The following SNAP29 variants were observed in gnomAD, a reference collection of about 807,000 sequenced individuals.
SNAP29 encodes the protein synaptosomal-associated protein 29.
In SNAP29, 13 loss-of-function variants were observed where a neutral mutation model predicts 27.9. The observed-to-expected ratio is 0.47, with a 90% CI of 0.30 to 0.74. The LOEUF is 0.74. Among genes scored for constraint, SNAP29 ranks in the 30% least tolerant of loss-of-function variants. The pLI is 0.06. For synonymous variants in SNAP29, 119 were observed against 127.1 expected (o/e 0.94, Z 0.43); for missense variants, 368 against 336.5 (o/e 1.09, Z -0.73).
At chr22:20,874,751 A>G (rs1263404999) in intron 2 of SNAP29, among the ~76,000 whole-genome samples, 3 of 151,868 alleles carry the variant, frequency 2.0e-5, no homozygotes, top group South Asian at 4.2e-4. Context: ...AATTTTAAAC[A>G]TCCGCCATTT....
Position 20,871,482 on chromosome 22 carries a change from T to TAA in SNAP29, c.434+971_434+972dup, listed in dbSNP as rs58294079. ...ATCAGTGACAGAGTCTCCCTGTCTCTAAAAAAAAAAAAAAAAAAAAAAAGA... is the reference window on the plus strand; with the variant it reads ...ATCAGTGACAGAGTCTCCCTGTCTCTAAAAAAAAAAAAAAAAAAAAAAAAAGA... On this transcript the variant is annotated intron_variant, in intron 2 of 4. Coordinates refer to ENST00000215730, the MANE Select transcript of SNAP29 (RefSeq NM_004782.4). Among the ~76,000 whole-genome samples, 81 of 63,914 alleles carry TAA rather than the reference T, an allele frequency of 1.3e-3. 1 individual carries two copies. Among genetic ancestry groups the TAA allele is most frequent in the African/African-American group, 3.1e-3 (50 of 15,910 alleles). 41.9% of individuals were successfully genotyped at this position (63,914 alleles called of 152,430 possible). A position where few individuals can be genotyped will look rare whatever the true frequency, so the allele number is the denominator to read the frequency against.
intron 2 of SNAP29, among the ~76,000 whole-genome samples, chr22:20,874,123 A>T (rs1928664549): frequency 6.6e-6 from 1 of 150,594 alleles, no homozygotes; most frequent in African/African-American, 2.4e-5. Flanking sequence ...AAAATACAAA[A>T]TATTATCCGG....
chr22:20,878,618 G>C (rs142188927), intron 2 of SNAP29, among the ~76,000 whole-genome samples: 1 of 152,176 alleles, frequency 6.6e-6, no homozygotes, highest in Non-Finnish European at 1.5e-5. Flanking sequence ...TGGGTTTCTG[G>C]GCTACTTAGG....
At chr22:20,879,850 TTAAAAA>T (rs1928847601) in intron 2 of SNAP29, among the ~76,000 whole-genome samples, 2 of 92,134 alleles carry the variant, frequency 2.2e-5, no homozygotes, top group East Asian at 3.3e-4. Flanking sequence ...CTGAAAAAAT[TTAAAAA>T]AAAAAAAAAA....
At chr22:20,862,839 TCTC>T (rs1334710926) in intron 1 of SNAP29, among the ~76,000 whole-genome samples, 1 of 152,164 alleles carries the variant, frequency 6.6e-6, no homozygotes, top group Non-Finnish European at 1.5e-5. Context: ...ATGACCTACA[TCTC>T]CACCACACCC....
intron 1 of SNAP29, among the ~76,000 whole-genome samples, chr22:20,864,418 A>G (rs1928409499): frequency 6.6e-6 from 1 of 151,826 alleles, no homozygotes; most frequent in Non-Finnish European, 1.5e-5. Flanking sequence ...AGAGGAGGAC[A>G]CCCCTCCTGG....
intron 1 of SNAP29, among the ~76,000 whole-genome samples, chr22:20,863,447 G>C (rs1451820687): frequency 6.6e-6 from 1 of 152,192 alleles, no homozygotes; most frequent in African/African-American, 2.4e-5. Flanking sequence ...GCTTAGTTAA[G>C]TCACCTCTAG....
At chr22:20,860,480 C>G (rs1928262851) in intron 1 of SNAP29, among the ~76,000 whole-genome samples, 1 of 151,024 alleles carries the variant, frequency 6.6e-6, no homozygotes, top group Non-Finnish European at 1.5e-5. Context: ...GACGATTCTC[C>G]TGCCTCAGCC....
intron 4 of SNAP29, 29 bp downstream of exon 4, chr22:20,883,598 T>A: frequency 7.0e-7 from 1 of 1,429,324 alleles, no homozygotes; most frequent in Non-Finnish European, 9.9e-7. Context: ...CCAGCTTCTG[T>A]AAGCCACTGT....
chr22:20,874,874 A>G (rs2147867190), intron 2 of SNAP29, among the ~76,000 whole-genome samples: 1 of 152,202 alleles, frequency 6.6e-6, no homozygotes, highest in Non-Finnish European at 1.5e-5. Context: ...AGGAGAAGGT[A>G]GGATGTTCAT....
intron 1 of SNAP29, among the ~76,000 whole-genome samples, chr22:20,863,641 TC>T (rs1010768699): frequency 2.1e-4 from 32 of 152,212 alleles, no homozygotes; most frequent in African/African-American, 7.5e-4. Context: ...CTCGTCTCTT[TC>T]CCTGTTTAGT....
At chr22:20,868,675 C>G (rs1239344544) in intron 1 of SNAP29, among the ~76,000 whole-genome samples, 2 of 152,082 alleles carry the variant, frequency 1.3e-5, no homozygotes, top group African/African-American at 4.8e-5. Flanking sequence ...TGGATAGATT[C>G]AGAGGAAGGC....
At chr22:20,884,911 A>C (rs1377969996) in intron 4 of SNAP29, among the ~76,000 whole-genome samples, 3 of 151,976 alleles carry the variant, frequency 2.0e-5, no homozygotes, top group Non-Finnish European at 4.4e-5. Flanking sequence ...GAGTAGCTGG[A>C]ATTACAGACA....
Position 20,859,298 on chromosome 22 carries a change from C to T in SNAP29, c.188C>T (p.Ser63Phe), listed in dbSNP as rs1241392878. 2 of 1,612,702 alleles carry T rather than the reference C, an allele frequency of 1.2e-6. No homozygotes were observed. Among genetic ancestry groups the T allele is most frequent in the East Asian group, 4.5e-5 (2 of 44,862 alleles). ...AEATAASTSRSLALMYESEKV... is the reference protein window; with the variant it reads ...AEATAASTSRFLALMYESEKV... The stretch of plus-strand genomic sequence containing the variant: ...GCCACGGCCGCCAGCACCAGCAGGT[C>T]CCTGGCCCTCATGTACGAGTCCGAG... Residue 63 changes from serine to phenylalanine, a missense_variant, in exon 1 of 5, where the codon TCC becomes TTC. Physicochemically the swap from Ser to Phe is radical, Grantham distance 155 (BLOSUM62 -2). Transcript: ENST00000215730.
At chr22:20,886,526 C>G (rs1320671410) in intron 4 of SNAP29, among the ~76,000 whole-genome samples, 1 of 151,904 alleles carries the variant, frequency 6.6e-6, no homozygotes, top group Non-Finnish European at 1.5e-5. Context: ...CCAGGATGGT[C>G]TCGATCTCCT....
In SNAP29 at chr22:20,884,960, A is replaced by G. The variant is rs374168616; in HGVS notation, c.619+1391A>G. Among the ~76,000 whole-genome samples, 5 of 152,022 alleles carry G rather than the reference A, an allele frequency of 3.3e-5. No individual in the cohort carries two copies. In the East Asian group the frequency reaches 9.6e-4, roughly 29 times the overall value. On this transcript the variant is annotated intron_variant, in intron 4 of 4. Transcript: ENST00000215730. ...TCAGCTAATTTTGTATTTTTAGTAG[A>G]GATGAGGTTTCTCCTTGTTGGTCAG...
intron 1 of SNAP29, among the ~76,000 whole-genome samples, chr22:20,862,404 A>AG (rs1458827016): frequency 6.6e-6 from 1 of 152,204 alleles, no homozygotes; most frequent in Non-Finnish European, 1.5e-5. Flanking sequence ...TAGGGAAGAC[A>AG]GGAAAATATG....
At position 20,870,324 on chromosome 22, in the gene SNAP29, T is replaced by A. The variant is rs775867085; in HGVS notation, c.238-13T>A. ...CAGAAAGCTATAATGCCACTGCCTC[T>A]CGGTTTCCCCAGGAGCTCGCCCGTC... On this transcript the variant is annotated splice_polypyrimidine_tract_variant and intron_variant, in intron 1 of 4. Transcript: ENST00000215730. 8.7e-6 allele frequency: 14 copies of A among 1,613,830 alleles called. No individual in the cohort carries two copies. In the South Asian group the frequency reaches 1.4e-4, roughly 16 times the overall value.
At chr22:20,883,439 A>C (rs975086898) in intron 3 of SNAP29, 32 bp from the exon 4 acceptor site, 1 of 1,354,100 alleles carries the variant, frequency 7.4e-7, no homozygotes, top group East Asian at 2.3e-5. Context: ...ATGTCAATTA[A>C]CCGCTCTCCT....
Sources: gnomAD v4.1 joint callset for allele counts (sites outside exome capture counted in the v4.1 genomes callset) on GRCh38, gnomAD v4.1.1 for gene constraint, MANE v1.5 for transcripts, NCBI Gene and HGNC (gene_info 2026-07-23, HGNC 2026-07-21) for gene names.